The following DCC variants were observed in gnomAD, a reference collection of about 807,000 sequenced individuals.
DCC encodes the protein DCC netrin 1 receptor.
A neutral mutation model predicts 172.5 loss-of-function variants in DCC; 58 were observed. The ratio of observed to expected loss-of-function variants is 0.34; its 90% confidence interval spans 0.27 to 0.42. The LOEUF (loss-of-function observed/expected upper bound fraction) is 0.42. DCC is among the 10% of genes least tolerant of loss of function. DCC has a pLI of 1.00. For missense variants in DCC, 1,740 were observed against 1,791.0 expected (o/e 0.97, Z 0.51); for synonymous variants, 709 against 644.5 (o/e 1.10, Z -1.52).
At chr18:52,488,426 T>C (rs2030336776) in intron 1 of DCC, among the ~76,000 whole-genome samples, 1 of 152,186 alleles carries the variant, frequency 6.6e-6, no homozygotes, top group South Asian at 2.1e-4. Flanking sequence ...TAGGATAGGA[T>C]AGGATAGATC....
intron 20 of DCC, among the ~76,000 whole-genome samples, chr18:53,415,051 TAC>T (rs1186174180): frequency 6.6e-6 from 1 of 152,222 alleles, no homozygotes; most frequent in Non-Finnish European, 1.5e-5. Flanking sequence ...AATCAATATC[TAC>T]GTATTTCAGT....
At chr18:52,362,851 C>T (rs1984681246) in intron 1 of DCC, among the ~76,000 whole-genome samples, 2 of 152,134 alleles carry the variant, frequency 1.3e-5, no homozygotes, top group African/African-American at 2.4e-5. Context: ...TTATAAACAT[C>T]TATCTTTCTT....
chr18:52,578,493 A>G (rs9966223), intron 1 of DCC, among the ~76,000 whole-genome samples: 67 of 152,272 alleles, frequency 4.4e-4, no homozygotes, highest in African/African-American at 1.4e-3. Context: ...TTTTTGTTGT[A>G]TGTGTGTTAT....
chr18:53,531,127 C>T lies in DCC; in HGVS notation c.*474C>T, dbSNP rs546814291. The T allele has an allele frequency of 4.3e-5, 9 of 208,066 alleles. No individual in the cohort carries two copies. The East Asian group carries it at 8.2e-4, about 19-fold the overall frequency. 12.9% of individuals were successfully genotyped at this position (208,066 alleles called of 1,614,324 possible). A position where few individuals can be genotyped will look rare whatever the true frequency, so the allele number is the denominator to read the frequency against. On this transcript the variant is annotated 3_prime_UTR_variant, in exon 29 of 29. Coordinates refer to ENST00000442544, the MANE Select transcript of DCC (RefSeq NM_005215.4). Reference sequence around the variant, plus strand: ...ACATACAAAGCACCCATGGGAATCTCTCATGCCATAGCACCAAAGGATTGG... The same window carrying T: ...ACATACAAAGCACCCATGGGAATCTTTCATGCCATAGCACCAAAGGATTGG...
At chr18:53,516,633 C>G (rs936630857) in intron 27 of DCC, among the ~76,000 whole-genome samples, 1 of 151,168 alleles carries the variant, frequency 6.6e-6, no homozygotes, top group African/African-American at 2.5e-5. Context: ...AAAAAGTGGG[C>G]AAAGCACATG....
chr18:52,597,091 C>T (rs1440130760), intron 1 of DCC, among the ~76,000 whole-genome samples: 2 of 147,006 alleles, frequency 1.4e-5, no homozygotes, highest in South Asian at 2.1e-4. Context: ...AGGAAAGACT[C>T]GGTGAAATTC....
intron 1 of DCC, among the ~76,000 whole-genome samples, chr18:52,498,971 G>A (rs924058254): frequency 2.6e-5 from 4 of 152,154 alleles, no homozygotes; most frequent in Non-Finnish European, 4.4e-5. Context: ...GAGGCACAGC[G>A]CAGTCCATAG....
chr18:52,365,994 C>T (rs1448015495), intron 1 of DCC, among the ~76,000 whole-genome samples: 12 of 152,266 alleles, frequency 7.9e-5, no homozygotes, highest in Non-Finnish European at 1.5e-4. Flanking sequence ...TAAGGCATCA[C>T]GTTATGGAAT....
intron 2 of DCC, among the ~76,000 whole-genome samples, chr18:52,830,374 GCCAA>G (rs2038591516): frequency 6.6e-6 from 1 of 152,144 alleles, no homozygotes; most frequent in Admixed American, 6.5e-5. Context: ...TTCCAATGAA[GCCAA>G]AAGATTGGAT....
chr18:53,223,380 T>C (rs1279636600), intron 12 of DCC, among the ~76,000 whole-genome samples: 1 of 152,174 alleles, frequency 6.6e-6, no homozygotes, highest in Non-Finnish European at 1.5e-5. Context: ...CTCACTTTAA[T>C]ATTACCTTAT....
intron 15 of DCC, among the ~76,000 whole-genome samples, chr18:53,377,268 G>A (rs1329546065): frequency 1.3e-5 from 2 of 151,916 alleles, no homozygotes; most frequent in East Asian, 2.0e-4. Context: ...AGAAGTCCAA[G>A]GACAAGGAGC....
intron 16 of DCC, 45 bp downstream of exon 16, chr18:53,386,183 T>C (rs1221949406): frequency 7.7e-7 from 1 of 1,300,224 alleles, no homozygotes; most frequent in East Asian, 2.3e-5. Flanking sequence ...ATATTTGATT[T>C]ATGGTGAAAA....
chr18:52,713,666 G>A (rs2145060217), intron 1 of DCC, among the ~76,000 whole-genome samples: 1 of 152,282 alleles, frequency 6.6e-6, no homozygotes. Flanking sequence ...GAGTTAAGGA[G>A]AGGGGGCCCC....
At chr18:52,945,678 C>T (rs1258671729) in intron 5 of DCC, among the ~76,000 whole-genome samples, 1 of 152,184 alleles carries the variant, frequency 6.6e-6, no homozygotes, top group Non-Finnish European at 1.5e-5. Context: ...GAGCTGAAGG[C>T]TGGATGTCAG....
intron 5 of DCC, among the ~76,000 whole-genome samples, chr18:53,019,577 A>G (rs1324089633): frequency 6.6e-6 from 1 of 151,956 alleles, no homozygotes; most frequent in Non-Finnish European, 1.5e-5. Context: ...AAGCCTTCCC[A>G]CTTCCTTTTC....
At chr18:52,533,862 A>ATAG (rs1439908364) in intron 1 of DCC, among the ~76,000 whole-genome samples, 60 of 152,290 alleles carry the variant, frequency 3.9e-4, no homozygotes, top group African/African-American at 1.4e-3. Flanking sequence ...TCACATCAGC[A>ATAG]GTGTATAGGT....
At chr18:52,780,619 C>A (rs1447216738) in intron 2 of DCC, among the ~76,000 whole-genome samples, 1 of 152,120 alleles carries the variant, frequency 6.6e-6, no homozygotes, top group African/African-American at 2.4e-5. Context: ...AGAAGAATTA[C>A]AACTGGAAGA....
At chr18:52,670,175 G>A (rs1429036679) in intron 1 of DCC, among the ~76,000 whole-genome samples, 3 of 152,158 alleles carry the variant, frequency 2.0e-5, no homozygotes, top group African/African-American at 7.2e-5. Flanking sequence ...AAACTTGTTC[G>A]GGGCTGACTT....
At chr18:52,448,931 A>C (rs1248176783) in intron 1 of DCC, among the ~76,000 whole-genome samples, 1 of 152,238 alleles carries the variant, frequency 6.6e-6, no homozygotes, top group Non-Finnish European at 1.5e-5. Context: ...TAATAGTCTT[A>C]ATCTTAGAGC....
Sources: allele counts gnomAD v4.1 joint callset (sites outside exome capture counted in the v4.1 genomes callset), GRCh38; gene constraint gnomAD v4.1.1; transcripts MANE v1.5; gene names NCBI Gene and HGNC (gene_info 2026-07-23, HGNC 2026-07-21).